The following FLVCR2 variants were observed in gnomAD, a reference collection of about 807,000 sequenced individuals.
The protein encoded by FLVCR2 is FLVCR choline and putative heme transporter 2, also known as choline/ethanolamine transporter FLVCR2.
In FLVCR2, 38 loss-of-function variants were observed where a neutral mutation model predicts 48.9. That is an observed-to-expected ratio of 0.78 (90% CI 0.60 to 1.02). The LOEUF (loss-of-function observed/expected upper bound fraction) is 1.02. FLVCR2 is among the 50% of genes least tolerant of loss of function. The pLI, the probability that FLVCR2 is intolerant of heterozygous loss-of-function variation, is 0.00. For missense variants in FLVCR2, 664 were observed against 663.3 expected, an observed-to-expected ratio of 1.00 and a Z score of -0.01; for synonymous variants, 255 against 257.0, an observed-to-expected ratio of 0.99 and a Z score of 0.07.
chr14:75,636,481 C>A (rs1269450927), intron 5 of FLVCR2, among the ~76,000 whole-genome samples: 1 of 152,128 alleles, frequency 6.6e-6, no homozygotes, highest in African/African-American at 2.4e-5. Context: ...GCTTGCTCTG[C>A]GGCAGGAGGA....
At chr14:75,584,680 G>A (rs1203469482) in intron 1 of FLVCR2, among the ~76,000 whole-genome samples, 1 of 152,198 alleles carries the variant, frequency 6.6e-6, no homozygotes, top group Non-Finnish European at 1.5e-5. Flanking sequence ...CTTCCTGGAG[G>A]TCTGGCTCGT....
chr14:75,593,189 G>T (rs781319460), intron 1 of FLVCR2, among the ~76,000 whole-genome samples: 1 of 152,092 alleles, frequency 6.6e-6, no homozygotes, highest in African/African-American at 2.4e-5. Context: ...ACTTCTGCCC[G>T]TTACCCAGTT....
chr14:75,591,535 T>C (rs1393966454), intron 1 of FLVCR2, among the ~76,000 whole-genome samples: 4 of 151,338 alleles, frequency 2.6e-5, no homozygotes, highest in South Asian at 2.1e-4. Flanking sequence ...ATAGCCCACA[T>C]GGCTGTACTC....
At chr14:75,632,025 C>T (rs1890055031) in intron 3 of FLVCR2, among the ~76,000 whole-genome samples, 1 of 152,188 alleles carries the variant, frequency 6.6e-6, no homozygotes, top group East Asian at 1.9e-4. Context: ...GCATTGAGCC[C>T]AACCTTGTAG....
At chr14:75,633,348 C>T (rs1156608277) in intron 3 of FLVCR2, among the ~76,000 whole-genome samples, 1 of 152,166 alleles carries the variant, frequency 6.6e-6, no homozygotes, top group African/African-American at 2.4e-5. Flanking sequence ...GGGAGTAATA[C>T]TCAACAGAAT....
At chr14:75,615,722 A>T (rs1594803938) in intron 1 of FLVCR2, among the ~76,000 whole-genome samples, 1 of 152,050 alleles carries the variant, frequency 6.6e-6, no homozygotes, top group Non-Finnish European at 1.5e-5. Context: ...AGATTCATTT[A>T]AAAAAGCATA....
intron 1 of FLVCR2, among the ~76,000 whole-genome samples, chr14:75,584,812 T>TTAAC (rs1166442405): frequency 6.6e-6 from 1 of 152,202 alleles, no homozygotes; most frequent in Non-Finnish European, 1.5e-5. Context: ...AGGACAGAGT[T>TTAAC]AGATATTTGA....
chr14:75,606,392 G>A (rs1889291578), intron 1 of FLVCR2, among the ~76,000 whole-genome samples: 1 of 152,206 alleles, frequency 6.6e-6, no homozygotes, highest in Non-Finnish European at 1.5e-5. Flanking sequence ...TGCCTTTTGA[G>A]CAATCTAGGC....
intron 5 of FLVCR2, 34 bp from the exon 6 acceptor site, chr14:75,639,318 G>T: frequency 1.5e-6 from 2 of 1,320,604 alleles, no homozygotes; most frequent in Non-Finnish European, 2.2e-6. Context: ...AAAGTCAGAA[G>T]TGTTTGATTC....
At chr14:75,621,076 G>A (rs899257251) in intron 1 of FLVCR2, among the ~76,000 whole-genome samples, 2 of 152,212 alleles carry the variant, frequency 1.3e-5, no homozygotes, top group Admixed American at 6.5e-5. Flanking sequence ...CAGTACTGAA[G>A]CCAAGCCTTT....
At position 75,624,877 on chromosome 14, in the gene FLVCR2, A is replaced by G. The variant is rs76418517; in HGVS notation, c.952+125A>G. 11,756 of 1,187,598 alleles carry G rather than the reference A, an allele frequency of 9.9e-3. 403 individuals are homozygous for G. The highest frequency in any genetic ancestry group is 0.081 in the Admixed American group (4,323 of 53,406). The allele number at this position is 1,187,598 out of a possible 1,614,324, so 73.6% of individuals were successfully genotyped here. On this transcript the variant is annotated intron_variant, in intron 3 of 9. Coordinates refer to ENST00000238667, the MANE Select transcript of FLVCR2 (RefSeq NM_017791.3). ...CATGTAAAGCTGTTGTCTAGGGTCA[A>G]TCCAGAGGACCCAGCTATGCCCAAG...
intron 1 of FLVCR2, among the ~76,000 whole-genome samples, chr14:75,581,149 G>T (rs983793225): frequency 6.6e-6 from 1 of 152,140 alleles, no homozygotes; most frequent in Admixed American, 6.5e-5. Flanking sequence ...AGAAACATTG[G>T]TCGTATAGAA....
At chr14:75,644,962 T>G (rs1890384148) in intron 9 of FLVCR2, among the ~76,000 whole-genome samples, 1 of 152,146 alleles carries the variant, frequency 6.6e-6, no homozygotes, top group Non-Finnish European at 1.5e-5. Context: ...TAGTTGCACT[T>G]CTGTCTCCAC....
At chr14:75,614,547 T>TTAAAA in intron 1 of FLVCR2, among the ~76,000 whole-genome samples, 1 of 152,300 alleles carries the variant, frequency 6.6e-6, no homozygotes, top group Admixed American at 6.5e-5. Flanking sequence ...GATAAAGGTA[T>TTAAAA]AGACGAGATG....
chr14:75,625,543 G>A (rs192819234), intron 3 of FLVCR2, among the ~76,000 whole-genome samples: 36 of 152,064 alleles, frequency 2.4e-4, no homozygotes, highest in Admixed American at 1.5e-3. Context: ...CTTAGTTCAA[G>A]CTGCTACATA....
At chr14:75,605,018 C>T (rs1481112822) in intron 1 of FLVCR2, among the ~76,000 whole-genome samples, 3 of 152,176 alleles carry the variant, frequency 2.0e-5, no homozygotes, top group Non-Finnish European at 4.4e-5. Context: ...AAACCTGAGA[C>T]TGAAGGAAGC....
intron 6 of FLVCR2, among the ~76,000 whole-genome samples, chr14:75,640,121 T>C (rs1890272538): frequency 6.6e-6 from 1 of 151,994 alleles, no homozygotes; most frequent in Admixed American, 6.5e-5. Flanking sequence ...CAGCCAGGCA[T>C]GGTGGCACAC....
At chr14:75,618,487 G>T (rs1889671847) in intron 1 of FLVCR2, among the ~76,000 whole-genome samples, 1 of 152,228 alleles carries the variant, frequency 6.6e-6, no homozygotes, top group African/African-American at 2.4e-5. Context: ...TTTTGCCCAT[G>T]ACTTTGTGTT....
intron 3 of FLVCR2, chr14:75,631,914 TGTA>T (rs555809451): frequency 2.2e-6 from 1 of 450,578 alleles, no homozygotes; most frequent in Non-Finnish European, 4.5e-6. Flanking sequence ...GCCTGTCAGT[TGTA>T]GTGATGTTTG....
Sources: gnomAD v4.1 joint callset for allele counts (sites outside exome capture counted in the v4.1 genomes callset) on GRCh38, gnomAD v4.1.1 for gene constraint, MANE v1.5 for transcripts, NCBI Gene and HGNC (gene_info 2026-07-23, HGNC 2026-07-21) for gene names.